Variants in SORCS1 observed in about 807,000 individuals in gnomAD.
SORCS1 encodes VPS10 domain-containing receptor SorCS1.
SORCS1 carries 60 observed loss-of-function variants against 146.1 expected under a neutral mutation model. The ratio of observed to expected loss-of-function variants is 0.41; its 90% CI spans 0.33 to 0.51. SORCS1 has a LOEUF of 0.51. Ranked by LOEUF, SORCS1 falls within the 20% of genes least tolerant of loss-of-function variation. SORCS1 has a pLI of 0.21. For synonymous variants in SORCS1, 637 were observed against 584.0 expected (o/e 1.09, Z -1.31); for missense variants, 1,352 against 1,487.6 (o/e 0.91, Z 1.50).
chr10:106,612,014 C>G lies in SORCS1; in HGVS notation c.2930G>C (p.Arg977Pro). The G allele has an allele frequency of 1.2e-6, 2 of 1,613,524 alleles. No homozygotes were observed. Among genetic ancestry groups the G allele is most frequent in the South Asian group, 2.2e-5 (2 of 91,062 alleles). Residue 977 changes from arginine to proline, a missense_variant, in exon 22 of 26, where the codon CGG becomes CCG. Coordinates refer to ENST00000263054, the MANE Select transcript of SORCS1 (RefSeq NM_052918.5). ...TGGAGAAAAGGACAAGCGAAGAGAC[C>G]GGAATTCCTCTGGGGATATAACAGT... is the stretch of plus-strand genomic sequence containing the variant. The part of the protein sequence containing the change: ...TKTIAVYEEF[R>P]SLRLSFSPNL...
At chr10:106,674,185 C>T (rs1044997790) in intron 14 of SORCS1, among the ~76,000 whole-genome samples, 7 of 149,518 alleles carry the variant, frequency 4.7e-5, no homozygotes, top group Admixed American at 1.3e-4. Flanking sequence ...AAAAATTACC[C>T]GGGCGTGGTG....
chr10:106,940,690 C>A (rs984821858), intron 2 of SORCS1, among the ~76,000 whole-genome samples: 1 of 152,150 alleles, frequency 6.6e-6, no homozygotes, highest in South Asian at 2.1e-4. Context: ...TCCAGACCAA[C>A]CTGGCCAACA....
chr10:106,675,187 T>A (rs1386959932), intron 13 of SORCS1, 31 bp from the exon 14 acceptor site: 2 of 1,496,884 alleles, frequency 1.3e-6, no homozygotes, highest in Admixed American at 1.8e-5. Context: ...AGTCATCAGA[T>A]CTCCAAAGGA....
the SORCS1 span, among the ~76,000 whole-genome samples, chr10:107,179,774 T>A: frequency 1.3e-5 from 2 of 152,148 alleles, no homozygotes; most frequent in Non-Finnish European, 2.9e-5. Context: ...TGATTTTACA[T>A]TGTTGAGTTT....
At chr10:107,161,419 G>A (rs1302313713) in intron 1 of SORCS1, among the ~76,000 whole-genome samples, 1 of 152,148 alleles carries the variant, frequency 6.6e-6, no homozygotes, top group African/African-American at 2.4e-5. Context: ...CTCCAATCTG[G>A]CCCTCGGGTT....
In SORCS1 at chr10:106,683,604, G is replaced by A. The variant is rs532725507; in HGVS notation, c.1561-3870C>T. Among the ~76,000 whole-genome samples, 3 of 152,194 alleles carry A rather than the reference G, an allele frequency of 2.0e-5. No homozygotes were observed. The East Asian group carries it at 5.8e-4, about 29-fold the overall frequency. ...TTTAAAAGCTGTTATATTACTTAAGGGTCAACCAGCTTCAAATCCCAATTC... is the reference window on the plus strand; with the variant it reads ...TTTAAAAGCTGTTATATTACTTAAGAGTCAACCAGCTTCAAATCCCAATTC... On this transcript the variant is annotated intron_variant, in intron 10 of 25. Transcript: ENST00000263054.
At chr10:106,670,696 ATTT>A (rs563511704) in intron 16 of SORCS1, among the ~76,000 whole-genome samples, 2 of 131,992 alleles carry the variant, frequency 1.5e-5, no homozygotes, top group African/African-American at 2.8e-5. Flanking sequence ...GAATCTGCCC[ATTT>A]TTTTTTTTTT....
chr10:106,657,298 T>C (rs1850372682), intron 17 of SORCS1, among the ~76,000 whole-genome samples: 1 of 152,132 alleles, frequency 6.6e-6, no homozygotes, highest in African/African-American at 2.4e-5. Flanking sequence ...AAATAATGTC[T>C]TTTGCAGCAA....
intron 1 of SORCS1, among the ~76,000 whole-genome samples, chr10:107,000,516 G>A (rs1324991203): frequency 2.6e-5 from 4 of 151,866 alleles, no homozygotes; most frequent in Non-Finnish European, 5.9e-5. Flanking sequence ...CTGAGGCAGG[G>A]GAATCGCTTG....
chr10:106,611,539 G>A (rs1589468027), intron 22 of SORCS1, among the ~76,000 whole-genome samples: 1 of 152,208 alleles, frequency 6.6e-6, no homozygotes, highest in Non-Finnish European at 1.5e-5. Flanking sequence ...TACATGCTGA[G>A]TTCCTTCACT....
At chr10:106,771,192 T>G (rs955163024) in intron 4 of SORCS1, among the ~76,000 whole-genome samples, 1 of 152,050 alleles carries the variant, frequency 6.6e-6, no homozygotes, top group Non-Finnish European at 1.5e-5. Context: ...AGCTGAGGTA[T>G]ACACAGATTC....
chr10:107,163,495 C>G (rs1459862266), intron 1 of SORCS1, among the ~76,000 whole-genome samples: 2 of 152,190 alleles, frequency 1.3e-5, no homozygotes, highest in African/African-American at 4.8e-5. Flanking sequence ...GGGTTAGGAG[C>G]TCCGCATGAA....
intron 7 of SORCS1, 136 bp downstream of exon 7, chr10:106,709,087 C>T (rs1446488993): frequency 8.0e-6 from 5 of 627,178 alleles, no homozygotes. Flanking sequence ...TAGTGATTTT[C>T]CCCTCTCTCC....
In SORCS1 at chr10:106,745,113, A is replaced by G. The variant is rs191198715; in HGVS notation, c.960-14999T>C. 3.6e-3 allele frequency among the ~76,000 whole-genome samples: 549 copies of G among 152,262 alleles called. 8 individuals are homozygous for G. The highest frequency in any genetic ancestry group is 0.013 in the African/African-American group (530 of 41,560). On this transcript the variant is annotated intron_variant, in intron 5 of 25. Coordinates refer to ENST00000263054, the MANE Select transcript of SORCS1 (RefSeq NM_052918.5). ...CAGAGGGACACCTAAAGTGAGAAAG[A>G]GATATTAGTAAAGAAACAATAAGGG...
the SORCS1 span, among the ~76,000 whole-genome samples, chr10:107,170,126 A>T: frequency 6.6e-6 from 1 of 152,156 alleles, no homozygotes; most frequent in Non-Finnish European, 1.5e-5. Context: ...CATTAACATA[A>T]CTTTATTATA....
chr10:107,158,393 C>G (rs1969452132), intron 1 of SORCS1, among the ~76,000 whole-genome samples: 1 of 152,164 alleles, frequency 6.6e-6, no homozygotes, highest in South Asian at 2.1e-4. Context: ...TACATCTCTT[C>G]CCTTGACCTT....
rs1177972526 is a variant in SORCS1, at chr10:106,879,536, G to A, written c.627-49863C>T. The stretch of plus-strand genomic sequence containing the variant: ...TAGATGACATGACAAAAGGGACTTT[G>A]TAGATGTAAGTGTGGTTACTGATCA... On this transcript the variant is annotated intron_variant, in intron 2 of 25. Coordinates refer to ENST00000263054, the MANE Select transcript of SORCS1 (RefSeq NM_052918.5). Among the ~76,000 whole-genome samples the A allele has an allele frequency of 5.9e-5, 9 of 151,676 alleles. No individual in the cohort carries two copies. The South Asian group carries it at 1.9e-3, about 32-fold the overall frequency.
chr10:107,016,832 A>T (rs976379085), intron 1 of SORCS1, among the ~76,000 whole-genome samples: 2 of 152,222 alleles, frequency 1.3e-5, no homozygotes, highest in Non-Finnish European at 2.9e-5. Flanking sequence ...TCAAAAGAAA[A>T]GATAGCCTAA....
intron 1 of SORCS1, 61 bp from the exon 2 acceptor site, chr10:106,956,641 A>G: frequency 6.8e-7 from 1 of 1,462,832 alleles, no homozygotes. Context: ...TAGAACTGAA[A>G]TGGCCCAAGG....
Sources: gnomAD v4.1 joint callset for allele counts (sites outside exome capture counted in the v4.1 genomes callset) on GRCh38, gnomAD v4.1.1 for gene constraint, MANE v1.5 for transcripts, NCBI Gene and HGNC (gene_info 2026-07-23, HGNC 2026-07-21) for gene names.